STARD10: variants seen among roughly 807,000 people sequenced by gnomAD.
STARD10 encodes START domain-containing protein 10.
In STARD10, 24 loss-of-function variants were observed where a neutral mutation model predicts 36.0. That is an observed-to-expected ratio of 0.67 (90% CI 0.48 to 0.94). The LOEUF is 0.94. Among genes scored for constraint, STARD10 ranks in the 40% least tolerant of loss-of-function variants. STARD10 has a pLI of 0.00. For missense variants in STARD10, 335 were observed against 396.6 expected (o/e 0.84, Z 1.32); for synonymous variants, 156 against 161.9 (o/e 0.96, Z 0.28).
At chr11:72,764,480 C>A (rs72964865) in intron 2 of STARD10, among the ~76,000 whole-genome samples, 342 of 152,372 alleles carry the variant, frequency 2.2e-3, no homozygotes, top group Non-Finnish European at 3.5e-3. Flanking sequence ...AGAGTAAGAA[C>A]CTTTGCTGTG....
At chr11:72,774,174 G>T (rs1858901421) in intron 2 of STARD10, among the ~76,000 whole-genome samples, 1 of 152,198 alleles carries the variant, frequency 6.6e-6, no homozygotes. Context: ...TGAGTAAATG[G>T]CTCAGGCACC....
intron 2 of STARD10, among the ~76,000 whole-genome samples, chr11:72,760,443 G>A (rs972557093): frequency 6.6e-6 from 1 of 151,968 alleles, no homozygotes; most frequent in Non-Finnish European, 1.5e-5. Flanking sequence ...GGCCAGGCTG[G>A]TCTCTAACTC....
At chr11:72,786,783 G>A (rs934074182) in intron 1 of STARD10, among the ~76,000 whole-genome samples, 7 of 152,164 alleles carry the variant, frequency 4.6e-5, no homozygotes, top group Non-Finnish European at 8.8e-5. Flanking sequence ...AATACAGGAC[G>A]ACAGCCAGGT....
At chr11:72,757,329 T>G (rs1301592482) in intron 5 of STARD10, among the ~76,000 whole-genome samples, 1 of 151,960 alleles carries the variant, frequency 6.6e-6, no homozygotes, top group East Asian at 1.9e-4. Context: ...CTGGAAGACA[T>G]CCGAAGGGAG....
At chr11:72,769,400 A>G (rs935955099) in intron 2 of STARD10, among the ~76,000 whole-genome samples, 2 of 152,196 alleles carry the variant, frequency 1.3e-5, no homozygotes, top group Non-Finnish European at 2.9e-5. Context: ...TTTTTAAATC[A>G]TAAGAATGAT....
Position 72,755,045 on chromosome 11 carries a change from G to C in STARD10, c.728C>G (p.Pro243Arg), listed in dbSNP as rs778596394. ...FKPWLHPEQS[P>R]LPSLALSELS... ...CTCCGACAGCGCCAGGCTCGGCAACGGGCTCTGCTCCGGGTGCAGCCACGG... is the reference window on the plus strand; with the variant it reads ...CTCCGACAGCGCCAGGCTCGGCAACCGGCTCTGCTCCGGGTGCAGCCACGG... Residue 243 changes from proline (P) to arginine (R), a missense_variant, in exon 7 of 7, where the codon CCG (proline) becomes CGG (arginine). Pro to Arg is a moderately radical substitution (Grantham distance 103). Transcript: ENST00000334805. The C allele has an allele frequency of 5.0e-6, 8 of 1,613,022 alleles. No individual in the cohort carries two copies. The South Asian group carries it at 6.6e-5, about 13-fold the overall frequency.
chr11:72,777,955 AG>A (rs766916687), intron 2 of STARD10, among the ~76,000 whole-genome samples: 3 of 152,058 alleles, frequency 2.0e-5, no homozygotes, highest in East Asian at 3.9e-4. Flanking sequence ...GGAGGGGGAA[AG>A]GGGGGCAGAA....
intron 2 of STARD10, among the ~76,000 whole-genome samples, chr11:72,765,559 TA>T (rs879925414): frequency 3.3e-5 from 5 of 152,192 alleles, no homozygotes; most frequent in Non-Finnish European, 7.3e-5. Context: ...GCACAAGAGT[TA>T]ATGCTTAGGA....
chr11:72,778,576 G>A (rs938765298), intron 2 of STARD10, among the ~76,000 whole-genome samples: 1 of 152,192 alleles, frequency 6.6e-6, no homozygotes, highest in African/African-American at 2.4e-5. Flanking sequence ...CCTCCTTCCT[G>A]GGTCTGGGCT....
At chr11:72,791,815 T>A (rs140610723) in intron 1 of STARD10, among the ~76,000 whole-genome samples, 6 of 152,220 alleles carry the variant, frequency 3.9e-5, no homozygotes, top group African/African-American at 1.2e-4. Context: ...GAATCCAAGA[T>A]CCACCTCCAG....
chr11:72,769,975 G>A (rs1238813623), intron 2 of STARD10, among the ~76,000 whole-genome samples: 1 of 152,130 alleles, frequency 6.6e-6, no homozygotes, highest in Non-Finnish European at 1.5e-5. Flanking sequence ...TAATAATTCT[G>A]TAGCAATATG....
chr11:72,791,229 G>A (rs1442910985), intron 1 of STARD10, among the ~76,000 whole-genome samples: 1 of 152,164 alleles, frequency 6.6e-6, no homozygotes, highest in Non-Finnish European at 1.5e-5. Flanking sequence ...CACTGGGAGG[G>A]CTGGTTAAAA....
At chr11:72,776,463 C>T (rs1858931348) in intron 2 of STARD10, among the ~76,000 whole-genome samples, 1 of 152,200 alleles carries the variant, frequency 6.6e-6, no homozygotes, top group South Asian at 2.1e-4. Flanking sequence ...GACTCTTGCC[C>T]AGCTGGGTCT....
chr11:72,756,445 G>T (rs2135607125), intron 5 of STARD10, among the ~76,000 whole-genome samples: 1 of 152,182 alleles, frequency 6.6e-6, no homozygotes, highest in East Asian at 1.9e-4. Context: ...CAGCCCTGGG[G>T]ACCCAGAGAG....
intron 2 of STARD10, among the ~76,000 whole-genome samples, chr11:72,772,751 A>C (rs552122008): frequency 6.6e-6 from 1 of 151,704 alleles, no homozygotes; most frequent in Admixed American, 6.6e-5. Flanking sequence ...TCTTTTCCTC[A>C]CTGTTATCCC....
intron 2 of STARD10, among the ~76,000 whole-genome samples, chr11:72,762,952 A>G (rs982834333): frequency 6.6e-6 from 1 of 152,212 alleles, no homozygotes; most frequent in Non-Finnish European, 1.5e-5. Context: ...CAGAGAAAGT[A>G]TAAGATGAGC....
At chr11:72,774,704 T>A (rs1483401999) in intron 2 of STARD10, among the ~76,000 whole-genome samples, 1 of 152,214 alleles carries the variant, frequency 6.6e-6, no homozygotes, top group Admixed American at 6.5e-5. Context: ...CTATCCTCAG[T>A]GGCAACCAGG....
At chr11:72,779,711 C>T (rs529925819) in intron 2 of STARD10, among the ~76,000 whole-genome samples, 2 of 152,242 alleles carry the variant, frequency 1.3e-5, no homozygotes, top group East Asian at 1.9e-4. Flanking sequence ...CCCTGGGCAG[C>T]GAATCCCAAA....
chr11:72,773,717 A>G (rs1331622916), intron 2 of STARD10, among the ~76,000 whole-genome samples: 2 of 152,136 alleles, frequency 1.3e-5, no homozygotes, highest in African/African-American at 2.4e-5. Flanking sequence ...CCCACAATTC[A>G]GCTCCACACA....
Sources: gnomAD v4.1 joint callset for allele counts (sites outside exome capture counted in the v4.1 genomes callset) on GRCh38, gnomAD v4.1.1 for gene constraint, MANE v1.5 for transcripts, NCBI Gene and HGNC (gene_info 2026-07-23, HGNC 2026-07-21) for gene names.